Variants in MAD2L1 observed in about 807,000 individuals in gnomAD.
MAD2L1 encodes the protein mitotic arrest deficient 2 like 1.
Under a neutral mutation model 25.9 loss-of-function variants are expected in MAD2L1, and 10 were observed. The ratio of observed to expected loss-of-function variants is 0.39; its 90% CI spans 0.24 to 0.66. The LOEUF (loss-of-function observed/expected upper bound fraction) is 0.66. MAD2L1 is among the 30% of genes least tolerant of loss of function. The probability of loss-of-function intolerance (pLI) is 0.49; values close to 1 mark genes in which losing one functional copy is unlikely to be tolerated. For synonymous variants in MAD2L1, 81 were observed against 91.8 expected (o/e 0.88, Z 0.67); for missense variants, 180 against 246.4 (o/e 0.73, Z 1.80).
intron 2 of MAD2L1, among the ~76,000 whole-genome samples, chr4:120,063,014 T>G (rs1207000898): frequency 6.6e-6 from 1 of 152,236 alleles, no homozygotes; most frequent in Non-Finnish European, 1.5e-5. Flanking sequence ...CTTCCAAGTT[T>G]CTTTTATTTC....
chr4:120,061,242 T>C (rs767275277), intron 3 of MAD2L1, among the ~76,000 whole-genome samples: 4 of 152,174 alleles, frequency 2.6e-5, no homozygotes, highest in Non-Finnish European at 5.9e-5. Context: ...TAGTATCAGA[T>C]GACTAGAAAA....
At chr4:120,063,182 A>G (rs551290728) in intron 2 of MAD2L1, among the ~76,000 whole-genome samples, 4 of 152,246 alleles carry the variant, frequency 2.6e-5, no homozygotes, top group African/African-American at 9.6e-5. Flanking sequence ...GAGTCTGGAG[A>G]AAGAGGCTTG....
chr4:120,061,837 GA>G, intron 3 of MAD2L1, 137 bp downstream of exon 3: 1 of 626,666 alleles, frequency 1.6e-6, no homozygotes, highest in Non-Finnish European at 2.6e-6. Flanking sequence ...GGTGACTGAG[GA>G]TATCTTAGAA....
intron 2 of MAD2L1, among the ~76,000 whole-genome samples, chr4:120,062,853 T>C (rs997809873): frequency 6.6e-6 from 1 of 152,150 alleles, no homozygotes; most frequent in East Asian, 1.9e-4. Context: ...AGACACTAGT[T>C]AGTCAATCAG....
rs1450326336 is a variant in MAD2L1, at chr4:120,058,184, A to T, written c.*1934T>A. On this transcript the variant is annotated 3_prime_UTR_variant, in exon 5 of 5. Transcript: ENST00000296509. ...AAATGTGTATTTCTTAATTGATTAT[A>T]TAATCTGTAAGGGGTAAAATGACTC... 1 of 152,160 alleles carries T rather than the reference A, an allele frequency of 6.6e-6. No homozygotes were observed. 9.4% of individuals were successfully genotyped at this position (152,160 alleles called of 1,614,324 possible). A position where few individuals can be genotyped will look rare whatever the true frequency, so the allele number is the denominator to read the frequency against.
Position 120,056,998 on chromosome 4 carries a change from T to C in MAD2L1, c.*3120A>G, listed in dbSNP as rs1182954185. 1.3e-5 allele frequency: 2 copies of C among 152,202 alleles called. No individual in the cohort carries two copies. The highest frequency in any genetic ancestry group is 2.9e-5 in the Non-Finnish European group (2 of 68,028). 9.4% of individuals were successfully genotyped at this position (152,202 alleles called of 1,614,324 possible). ...TATTACGGTATCAAATGCTCTGAAC[T>C]AGGGAGGGGTTCAAGTATTTGTGAC... On this transcript the variant is annotated 3_prime_UTR_variant, in exon 5 of 5. Transcript: ENST00000296509.
rs1726108437 is a variant in MAD2L1 at position 120,056,277 on chromosome 4, G to A, written c.*3841C>T. Reference sequence around the variant, plus strand: ...GCATGAGAATTAAATAAAAATTCATGTGAAGTGACTAGTAAATAATAAATG... The same window carrying A: ...GCATGAGAATTAAATAAAAATTCATATGAAGTGACTAGTAAATAATAAATG... On this transcript the variant is annotated 3_prime_UTR_variant, in exon 5 of 5. Transcript: ENST00000296509. 6.6e-6 allele frequency: 1 copy of A among 152,184 alleles called. No homozygotes were observed. Among genetic ancestry groups the A allele is most frequent in the Non-Finnish European group, 1.5e-5 (1 of 68,032 alleles). 9.4% of individuals were successfully genotyped at this position (152,184 alleles called of 1,614,324 possible).
chr4:120,060,569 T>C (rs1726196402), intron 4 of MAD2L1, among the ~76,000 whole-genome samples: 1 of 152,200 alleles, frequency 6.6e-6, no homozygotes, highest in South Asian at 2.1e-4. Context: ...TTGTTATAAT[T>C]GTTCCAGTTT....
chr4:120,060,247 T>C lies in MAD2L1; in HGVS notation c.489A>G (p.Val163=), dbSNP rs745854645. Residue 163 remains valine (V), a synonymous_variant, in exon 5 of 5, where the codon GTA becomes GTG. Transcript: ENST00000296509. The part of the protein sequence containing the change: ...LLIYTDKDLV[V]PEKWEESGPQ... Reference sequence around the variant, plus strand: ...GTCCCGACTCTTCCCATTTTTCAGGTACAACCAAATCTTTGTCTGTATAAA... The same window carrying C: ...GTCCCGACTCTTCCCATTTTTCAGGCACAACCAAATCTTTGTCTGTATAAA... 4.3e-6 allele frequency: 7 copies of C among 1,613,302 alleles called. No homozygotes were observed. Among genetic ancestry groups the C allele is most frequent in the Non-Finnish European group, 5.9e-6 (7 of 1,179,482 alleles).
In MAD2L1 at chr4:120,056,912, C is replaced by T. The variant is rs1202942567; in HGVS notation, c.*3206G>A. ...GGAATTTAGGTATATTTGGGAGAGACATTCTGTTTGAGATACTATGGATGG... is the reference window on the plus strand; with the variant it reads ...GGAATTTAGGTATATTTGGGAGAGATATTCTGTTTGAGATACTATGGATGG... On this transcript the variant is annotated 3_prime_UTR_variant, in exon 5 of 5. Coordinates refer to ENST00000296509, the MANE Select transcript of MAD2L1 (RefSeq NM_002358.4). 1 of 152,170 alleles carries T rather than the reference C, an allele frequency of 6.6e-6. No individual in the cohort carries two copies. The highest frequency in any genetic ancestry group is 2.4e-5 in the African/African-American group (1 of 41,434). 9.4% of individuals were successfully genotyped at this position (152,170 alleles called of 1,614,324 possible).
At chr4:120,061,946 A>G (rs1726225553) in intron 3 of MAD2L1, 29 bp downstream of exon 3, 2 of 1,558,382 alleles carry the variant, frequency 1.3e-6, no homozygotes, top group Non-Finnish European at 1.7e-6. Flanking sequence ...AAAATATATC[A>G]AAGTAGAAAT....
At position 120,058,892 on chromosome 4, in the gene MAD2L1, A is replaced by G. The variant is rs756938628; in HGVS notation, c.*1226T>C. 6 of 152,236 alleles carry G rather than the reference A, an allele frequency of 3.9e-5. No homozygotes were observed. Among genetic ancestry groups the G allele is most frequent in the South Asian group, 4.1e-4 (2 of 4,834 alleles). The allele number at this position is 152,236 out of a possible 1,614,324, so 9.4% of individuals were successfully genotyped here. On this transcript the variant is annotated 3_prime_UTR_variant, in exon 5 of 5. Transcript: ENST00000296509. ...ATTACTTAAAAATAGTGAAGGTTAA[A>G]TAAGTTAATACACATAAAGAACTTA...
At chr4:120,062,204 G>A in intron 2 of MAD2L1, 109 bp from the exon 3 acceptor site, 1 of 957,582 alleles carries the variant, frequency 1.0e-6, no homozygotes, top group South Asian at 1.9e-5. Flanking sequence ...ACTGCTATCT[G>A]GGACCTCCTC....
intron 1 of MAD2L1, 60 bp downstream of exon 1, chr4:120,066,602 G>A: frequency 1.4e-6 from 2 of 1,458,656 alleles, no homozygotes; most frequent in East Asian, 2.4e-5. Context: ...CCGAGCTGTG[G>A]GCCTACTGAG....
rs2110507245 is a variant in MAD2L1 at position 120,058,213 on chromosome 4, A to G, written c.*1905T>C. The G allele has an allele frequency of 6.6e-6, 1 of 152,338 alleles. No homozygotes were observed. 9.4% of individuals were successfully genotyped at this position (152,338 alleles called of 1,614,324 possible). A position where few individuals can be genotyped will look rare whatever the true frequency, so the allele number is the denominator to read the frequency against. On this transcript the variant is annotated 3_prime_UTR_variant, in exon 5 of 5. Coordinates refer to ENST00000296509, the MANE Select transcript of MAD2L1 (RefSeq NM_002358.4). ...TCTGTAAGGGGTAAAATGACTCATC[A>G]TGACTAGCTCTCCAGAAACCTCAGA... is the stretch of plus-strand genomic sequence containing the variant.
rs1489282870 is a variant in MAD2L1 at position 120,055,680 on chromosome 4, A to G, written c.*4438T>C. 2.0e-5 allele frequency: 3 copies of G among 152,292 alleles called. No homozygotes were observed. The highest frequency in any genetic ancestry group is 4.4e-5 in the Non-Finnish European group (3 of 68,018). 9.4% of individuals were successfully genotyped at this position (152,292 alleles called of 1,614,324 possible). A position where few individuals can be genotyped will look rare whatever the true frequency, so the allele number is the denominator to read the frequency against. ...AACAAAATAACTAGAAATATTTCAT[A>G]CATTTAAAAAAAGAATAAGAAATTA... is the stretch of plus-strand genomic sequence containing the variant. On this transcript the variant is annotated 3_prime_UTR_variant, in exon 5 of 5. Transcript: ENST00000296509.
Position 120,060,999 on chromosome 4 carries a change from A to C in MAD2L1, c.342-22T>G, listed in dbSNP as rs768322528. On this transcript the variant is annotated intron_variant, in intron 3 of 4. Transcript: ENST00000296509. ...TGCACTGTCAAAAAAAAATCAAATC[A>C]ATTAATTCATTTCAGGTCTTAACAA... The C allele has an allele frequency of 1.5e-4, 216 of 1,410,110 alleles. No individual in the cohort carries two copies. The highest frequency in any genetic ancestry group is 2.1e-4 in the Non-Finnish European group (212 of 997,392). 87.3% of individuals were successfully genotyped at this position (1,410,110 alleles called of 1,614,324 possible). A position where few individuals can be genotyped will look rare whatever the true frequency, so the allele number is the denominator to read the frequency against.
At chr4:120,065,866 T>C in intron 1 of MAD2L1, 48 bp from the exon 2 acceptor site, 1 of 1,585,502 alleles carries the variant, frequency 6.3e-7, no homozygotes, top group Non-Finnish European at 8.6e-7. Flanking sequence ...CCTGCATAAC[T>C]CTGGAAAATA....
chr4:120,060,818 T>C, intron 4 of MAD2L1, 56 bp downstream of exon 4: 1 of 1,078,896 alleles, frequency 9.3e-7, no homozygotes, highest in Non-Finnish European at 1.4e-6. Flanking sequence ...ATTACGGCAG[T>C]AGCTTAGTCT....
Sources: allele counts gnomAD v4.1 joint callset (sites outside exome capture counted in the v4.1 genomes callset), GRCh38; gene constraint gnomAD v4.1.1; transcripts MANE v1.5; gene names NCBI Gene and HGNC (gene_info 2026-07-23, HGNC 2026-07-21).